NAALADL2: variants seen among roughly 807,000 people sequenced by gnomAD.
The protein encoded by NAALADL2 is N-acetylated alpha-linked acidic dipeptidase like 2, also known as inactive N-acetylated-alpha-linked acidic dipeptidase-like protein 2.
In NAALADL2, 76 loss-of-function variants were observed where a neutral mutation model predicts 87.2. That is an observed-to-expected ratio of 0.87 (90% CI 0.72 to 1.05). The LOEUF is 1.05. NAALADL2 is among the 50% of genes least tolerant of loss of function. The pLI is 0.00. For synonymous variants in NAALADL2, 354 were observed against 331.0 expected, an observed-to-expected ratio of 1.07 and a Z score of -0.75; for missense variants, 1,089 against 945.8, an observed-to-expected ratio of 1.15 and a Z score of -1.99.
At chr3:174,691,086 A>G (rs1411098734) in intron 2 of NAALADL2, among the ~76,000 whole-genome samples, 1 of 152,146 alleles carries the variant, frequency 6.6e-6, no homozygotes, top group Non-Finnish European at 1.5e-5. Flanking sequence ...ATTATGTCTA[A>G]ATAAACAATG....
Position 175,070,602 on chromosome 3 carries a change from A to C in NAALADL2, c.44-26188A>C, listed in dbSNP as rs565294253. On this transcript the variant is annotated intron_variant, in intron 1 of 13. Transcript: ENST00000454872. ...GCCTAAGGTGTTTGAATGAGTCACTACCTATCAAAGGAAAATTATGCTATG... is the reference window on the plus strand; with the variant it reads ...GCCTAAGGTGTTTGAATGAGTCACTCCCTATCAAAGGAAAATTATGCTATG... 1.6e-4 allele frequency among the ~76,000 whole-genome samples: 25 copies of C among 152,208 alleles called. No individual in the cohort carries two copies. In the South Asian group the frequency reaches 4.3e-3, roughly 26 times the overall value.
intron 1 of NAALADL2, among the ~76,000 whole-genome samples, chr3:174,879,086 A>G (rs993020368): frequency 6.6e-6 from 1 of 152,108 alleles, no homozygotes; most frequent in African/African-American, 2.4e-5. Flanking sequence ...TTTCAAGGTT[A>G]TACAAGCTTA....
chr3:175,471,650 G>C lies in NAALADL2; in HGVS notation c.1545G>C (p.Lys515Asn). 1 of 1,489,554 alleles carries C rather than the reference G, an allele frequency of 6.7e-7. No homozygotes were observed. The highest frequency in any genetic ancestry group is 9.3e-7 in the Non-Finnish European group (1 of 1,072,170). 92.3% of individuals were successfully genotyped at this position (1,489,554 alleles called of 1,614,324 possible). ...TTTTGTTATTTCAGGATTTCAAGAAGGTTCTTCAGAAAAATGTTGTGGCTT... is the reference window on the plus strand; with the variant it reads ...TTTTGTTATTTCAGGATTTCAAGAACGTTCTTCAGAAAAATGTTGTGGCTT... ...GSYEWGEDFK[K>N]VLQKNVVAYI... Residue 515 changes from lysine to asparagine, a missense_variant, in exon 9 of 14, where the codon AAG (lysine) becomes AAC (asparagine). Lys to Asn is a moderately conservative substitution (Grantham distance 94, BLOSUM62 0). Transcript: ENST00000454872.
chr3:174,594,363 A>G (rs947630678), intron 2 of NAALADL2, among the ~76,000 whole-genome samples: 8 of 152,208 alleles, frequency 5.3e-5, no homozygotes, highest in East Asian at 3.9e-4. Context: ...ATTTACCTCA[A>G]CTGTCAAATA....
chr3:174,961,115 TATATAATATTA>T (rs1741928317), intron 1 of NAALADL2, among the ~76,000 whole-genome samples: 2 of 148,048 alleles, frequency 1.4e-5, no homozygotes, highest in Non-Finnish European at 3.0e-5. Flanking sequence ...AACATAATGA[TATATAATATTA>T]ATAAAATATA....
intron 11 of NAALADL2, among the ~76,000 whole-genome samples, chr3:175,707,697 C>A (rs1166284699): frequency 1.3e-5 from 2 of 152,134 alleles, no homozygotes; most frequent in East Asian, 3.9e-4. Context: ...GTGAAATATT[C>A]ATTTATTCAA....
intron 2 of NAALADL2, among the ~76,000 whole-genome samples, chr3:174,685,740 G>A (rs920219227): frequency 2.6e-5 from 4 of 152,034 alleles, no homozygotes; most frequent in Admixed American, 2.6e-4. Context: ...GTGTCATGGG[G>A]GTTTAGTGTA....
At chr3:174,732,982 C>T (rs553901344) in intron 2 of NAALADL2, among the ~76,000 whole-genome samples, 1 of 152,090 alleles carries the variant, frequency 6.6e-6, no homozygotes, top group East Asian at 1.9e-4. Context: ...AGAATTATAC[C>T]ATTTTGTCCT....
intron 9 of NAALADL2, among the ~76,000 whole-genome samples, chr3:175,485,424 T>A (rs1297923965): frequency 1.3e-5 from 2 of 152,164 alleles, no homozygotes; most frequent in Non-Finnish European, 2.9e-5. Context: ...CACAATAGGC[T>A]GTCCGTAAGC....
intron 3 of NAALADL2, among the ~76,000 whole-genome samples, chr3:174,768,113 C>G (rs1055678510): frequency 2.0e-5 from 3 of 152,136 alleles, no homozygotes; most frequent in Admixed American, 6.5e-5. Context: ...TTTTGGAGAA[C>G]ATAGAAACCC....
chr3:174,684,179 T>C (rs1357715716), intron 2 of NAALADL2, among the ~76,000 whole-genome samples: 1 of 152,062 alleles, frequency 6.6e-6, no homozygotes, highest in Admixed American at 6.6e-5. Context: ...AAATTTAAAA[T>C]AGTATTACTT....
chr3:174,809,634 C>A (rs563277592), intron 3 of NAALADL2, among the ~76,000 whole-genome samples: 3 of 139,410 alleles, frequency 2.2e-5, no homozygotes, highest in Admixed American at 7.0e-5. Flanking sequence ...AAAAAACACA[C>A]TGAAAAATGG....
intron 9 of NAALADL2, among the ~76,000 whole-genome samples, chr3:175,552,174 T>C (rs1264109750): frequency 8.7e-5 from 2 of 22,992 alleles, no homozygotes; most frequent in Admixed American, 1.3e-3. Context: ...AATGTCTAAG[T>C]AAGCATCAAA....
chr3:174,776,456 G>A (rs1715222068), intron 3 of NAALADL2, among the ~76,000 whole-genome samples: 1 of 152,032 alleles, frequency 6.6e-6, no homozygotes, highest in African/African-American at 2.4e-5. Context: ...ACTTCTTATT[G>A]AAATCTTATG....
chr3:174,872,162 A>C (rs1443342979), intron 1 of NAALADL2, among the ~76,000 whole-genome samples: 1 of 152,204 alleles, frequency 6.6e-6, no homozygotes, highest in Non-Finnish European at 1.5e-5. Context: ...GTTAAGATTA[A>C]GCGCATATTC....
intron 3 of NAALADL2, among the ~76,000 whole-genome samples, chr3:174,787,606 T>TATATATATATATATATAC: frequency 9.5e-6 from 1 of 104,820 alleles, no homozygotes; most frequent in East Asian, 2.6e-4. Context: ...TATATATATA[T>TATATATATATATATATAC]ATATATATAT....
intron 5 of NAALADL2, among the ~76,000 whole-genome samples, chr3:175,342,862 C>T (rs113323535): frequency 2.0e-5 from 3 of 152,180 alleles, no homozygotes; most frequent in African/African-American, 7.2e-5. Flanking sequence ...GTGAGGGAAG[C>T]TGTGACTTAT....
intron 5 of NAALADL2, chr3:175,397,263 A>C (rs184323960): frequency 6.6e-6 from 1 of 152,098 alleles, no homozygotes; most frequent in East Asian, 1.9e-4. Context: ...ATGCTTCACA[A>C]ATTTGCATGT....
At chr3:174,870,214 A>T (rs1182456368) in intron 1 of NAALADL2, among the ~76,000 whole-genome samples, 2 of 152,028 alleles carry the variant, frequency 1.3e-5, no homozygotes, top group African/African-American at 4.8e-5. Context: ...ATCCTACTTC[A>T]TCCAGTTATC....
Sources: gnomAD v4.1 joint callset for allele counts (sites outside exome capture counted in the v4.1 genomes callset) on GRCh38, gnomAD v4.1.1 for gene constraint, MANE v1.5 for transcripts, NCBI Gene and HGNC (gene_info 2026-07-23, HGNC 2026-07-21) for gene names.